The following EXO1 variants were observed in gnomAD, a reference collection of about 807,000 sequenced individuals.
The protein encoded by EXO1 is exonuclease 1.
EXO1 carries 69 observed loss-of-function variants against 84.5 expected under a neutral mutation model. The ratio of observed to expected loss-of-function variants is 0.82; its 90% CI spans 0.67 to 1.00. EXO1 has a LOEUF of 1.00. Among genes scored for constraint, EXO1 ranks in the 50% least tolerant of loss-of-function variants. The pLI is 0.00. For missense variants in EXO1, 1,045 were observed against 1,000.7 expected (o/e 1.04, Z -0.60); for synonymous variants, 373 against 366.1 (o/e 1.02, Z -0.21).
rs146714333 is a variant in EXO1, at chr1:241,860,685, A to G, written c.925A>G (p.Thr309Ala). Residue 309 changes from threonine (T) to alanine (A), a missense_variant, in exon 9 of 16, where the codon ACA becomes GCA. Physicochemically the swap from Thr to Ala is moderately conservative, Grantham distance 58. Transcript: ENST00000366548. ...NAYEDDVDPE[T>A]LSYAGQYVDD... ...CTATGAAGATGATGTTGATCCTGAA[A>G]CACTAAGCTACGCTGGGCAGTATCC... is the stretch of plus-strand genomic sequence containing the variant. 4.3e-6 allele frequency: 7 copies of G among 1,613,508 alleles called. No individual in the cohort carries two copies. In the African/African-American group the frequency reaches 8.0e-5, roughly 18 times the overall value.
chr1:241,853,222 G>T (rs1660763776), intron 5 of EXO1, 136 bp from the exon 6 acceptor site: 2 of 829,608 alleles, frequency 2.4e-6, no homozygotes, highest in Middle Eastern at 3.6e-4. Context: ...ATGTTCTCAA[G>T]GGCCTGGTGT....
In EXO1 at chr1:241,857,452, C is replaced by T; in HGVS notation, c.513C>T (p.Asp171=). 6.2e-7 allele frequency: 1 copy of T among 1,613,908 alleles called. No individual in the cohort carries two copies. Residue 171 remains aspartate, a synonymous_variant, in exon 7 of 16, where the codon GAC becomes GAT. Coordinates refer to ENST00000366548, the MANE Select transcript of EXO1 (RefSeq NM_130398.4). ...TTGTGCAAGCCATAATTACAGAGGACTCGGATCTCCTAGCTTTTGGCTGTA... is the reference window on the plus strand; with the variant it reads ...TTGTGCAAGCCATAATTACAGAGGATTCGGATCTCCTAGCTTTTGGCTGTA... ...AGIVQAIITE[D]SDLLAFGCKK...
At chr1:241,876,486 G>T (rs543960970) in intron 12 of EXO1, among the ~76,000 whole-genome samples, 1 of 151,900 alleles carries the variant, frequency 6.6e-6, no homozygotes, top group African/African-American at 2.4e-5. Flanking sequence ...GGGGGCCGAG[G>T]GAGGAGAATA....
chr1:241,864,431 A>G (rs930929141), intron 10 of EXO1, among the ~76,000 whole-genome samples: 6 of 152,346 alleles, frequency 3.9e-5, no homozygotes, highest in East Asian at 1.9e-4. Flanking sequence ...AAATGAATCT[A>G]TCTTCAGAAA....
At chr1:241,880,278 C>T (rs1278596856) in intron 13 of EXO1, among the ~76,000 whole-genome samples, 1 of 152,176 alleles carries the variant, frequency 6.6e-6, no homozygotes, top group African/African-American at 2.4e-5. Flanking sequence ...GGTACCACGG[C>T]AGTGGCTATC....
intron 14 of EXO1, among the ~76,000 whole-genome samples, chr1:241,882,239 A>G (rs912441221): frequency 2.0e-5 from 3 of 152,158 alleles, no homozygotes; most frequent in Admixed American, 2.0e-4. Flanking sequence ...ACTTTTAGTC[A>G]TTAATGTAAT....
rs572143205 is a variant in EXO1, at chr1:241,852,232, A to G, written c.162-60A>G. On this transcript the variant is annotated intron_variant, in intron 4 of 15. Transcript: ENST00000366548. ...ATAGTTTTCTCATCTGGCCTAAAAT[A>G]GAGCAGAAGTATTACCTTAAGAAAG... The G allele has an allele frequency of 4.7e-6, 7 of 1,483,398 alleles. No homozygotes were observed. In the South Asian group the frequency reaches 6.9e-5, roughly 15 times the overall value. The allele number at this position is 1,483,398 out of a possible 1,614,324, so 91.9% of individuals were successfully genotyped here. A position where few individuals can be genotyped will look rare whatever the true frequency, so the allele number is the denominator to read the frequency against.
intron 8 of EXO1, 102 bp downstream of exon 8, chr1:241,858,820 CTATAT>C (rs1168942744): frequency 1.6e-5 from 14 of 849,468 alleles, no homozygotes; most frequent in Admixed American, 4.0e-5. Context: ...TGCGAATAAC[CTATAT>C]TATATTATTA....
chr1:241,875,495 G>A (rs1012652020), intron 12 of EXO1, among the ~76,000 whole-genome samples: 9 of 152,150 alleles, frequency 5.9e-5, no homozygotes, highest in Admixed American at 1.3e-4. Flanking sequence ...GTTTTGATTC[G>A]TCTTTTGCTA....
At chr1:241,886,547 G>T (rs1539457) in intron 15 of EXO1, among the ~76,000 whole-genome samples, 1 of 152,160 alleles carries the variant, frequency 6.6e-6, no homozygotes, top group Non-Finnish European at 1.5e-5. Flanking sequence ...CTGGACAATC[G>T]TTTCTTATTT....
At chr1:241,862,109 T>C (rs1265532078) in intron 10 of EXO1, among the ~76,000 whole-genome samples, 1 of 152,150 alleles carries the variant, frequency 6.6e-6, no homozygotes, top group Non-Finnish European at 1.5e-5. Flanking sequence ...CGGCTAATTT[T>C]GTATTTTTAG....
At chr1:241,887,219 C>G (rs1437102297) in intron 15 of EXO1, among the ~76,000 whole-genome samples, 1 of 152,164 alleles carries the variant, frequency 6.6e-6, no homozygotes, top group African/African-American at 2.4e-5. Flanking sequence ...TCACTGTACC[C>G]TCGAGCTCCT....
rs1662152773 is a variant in EXO1 at position 241,872,270 on chromosome 1, C to G, written c.1506C>G (p.Thr502=). Residue 502 remains threonine (T), a synonymous_variant, in exon 12 of 16, where the codon ACC becomes ACG. Coordinates refer to ENST00000366548, the MANE Select transcript of EXO1 (RefSeq NM_130398.4). The part of the protein sequence containing the change: ...EESGAVVVPG[T]RSRFFCSSDS... The stretch of plus-strand genomic sequence containing the variant: ...GTGGTGCAGTTGTGGTTCCAGGGAC[C>G]AGAAGCAGGTATAGTTATGTCTCCA... 2.5e-6 allele frequency: 4 copies of G among 1,613,796 alleles called. No individual in the cohort carries two copies. The Admixed American group carries it at 5.0e-5, about 20-fold the overall frequency.
intron 8 of EXO1, among the ~76,000 whole-genome samples, chr1:241,859,848 T>C (rs552201627): frequency 3.3e-4 from 51 of 152,312 alleles, no homozygotes; most frequent in African/African-American, 8.9e-4. Flanking sequence ...CTCTAAACCC[T>C]TAACAGTTTG....
chr1:241,848,348 C>T lies in EXO1; in HGVS notation c.-425C>T, dbSNP rs546170211. The T allele has an allele frequency of 1.3e-5, 2 of 152,460 alleles. No homozygotes were observed. Among genetic ancestry groups the T allele is most frequent in the African/African-American group, 4.8e-5 (2 of 41,560 alleles). 9.4% of individuals were successfully genotyped at this position (152,460 alleles called of 1,614,324 possible). On this transcript the variant is annotated 5_prime_UTR_variant, in exon 1 of 16. Coordinates refer to ENST00000366548, the MANE Select transcript of EXO1 (RefSeq NM_130398.4). The surrounding 1 kb of genome is among the most constrained non-coding windows in gnomAD (Gnocchi z 4.2). Reference sequence around the variant, plus strand: ...CAAGGGGAGGAGGAGAGTCCCTTCTCGGAAGGTGAGAGGAGCGGGCTGTGC... The same window carrying T: ...CAAGGGGAGGAGGAGAGTCCCTTCTTGGAAGGTGAGAGGAGCGGGCTGTGC...
At chr1:241,855,299 A>G (rs577238514) in intron 6 of EXO1, among the ~76,000 whole-genome samples, 4 of 152,268 alleles carry the variant, frequency 2.6e-5, no homozygotes, top group Non-Finnish European at 5.9e-5. Context: ...TTAGTTAGAT[A>G]CAGTGTCTAC....
intron 12 of EXO1, among the ~76,000 whole-genome samples, chr1:241,875,097 G>A (rs1030569976): frequency 5.9e-5 from 9 of 152,198 alleles, no homozygotes; most frequent in South Asian, 4.2e-4. Flanking sequence ...TCCGCCTCCC[G>A]GGTTCAAGTG....
chr1:241,853,282 G>T, intron 5 of EXO1, 76 bp from the exon 6 acceptor site: 1 of 1,522,688 alleles, frequency 6.6e-7, no homozygotes, highest in East Asian at 2.3e-5. Context: ...AAAGCTTCTT[G>T]AATTACAGTT....
chr1:241,860,992 T>C (rs1476912275), intron 9 of EXO1, among the ~76,000 whole-genome samples: 2 of 152,240 alleles, frequency 1.3e-5, no homozygotes, highest in African/African-American at 4.8e-5. Flanking sequence ...AAGGTGGCTC[T>C]TGAGAGGACC....
Sources: allele counts gnomAD v4.1 joint callset (sites outside exome capture counted in the v4.1 genomes callset), GRCh38; gene constraint gnomAD v4.1.1; non-coding constraint Gnocchi (gnomAD v3.1); transcripts MANE v1.5; gene names NCBI Gene and HGNC (gene_info 2026-07-23, HGNC 2026-07-21).